ATP8B4: variants seen among roughly 807,000 people sequenced by gnomAD.
ATP8B4 encodes ATPase phospholipid transporting 8B4 (putative).
Under a neutral mutation model 145.6 loss-of-function variants are expected in ATP8B4, and 133 were observed. The observed-to-expected ratio is 0.91, with a 90% CI of 0.79 to 1.05. ATP8B4 has a LOEUF of 1.05. Among genes scored for constraint, ATP8B4 ranks in the 50% least tolerant of loss-of-function variants. ATP8B4 has a pLI of 0.00. For missense variants in ATP8B4, 1,458 were observed against 1,425.2 expected (o/e 1.02, Z -0.37); for synonymous variants, 507 against 492.9 (o/e 1.03, Z -0.38).
At chr15:49,962,957 C>A (rs1024722002) in intron 13 of ATP8B4, among the ~76,000 whole-genome samples, 2 of 152,002 alleles carry the variant, frequency 1.3e-5, no homozygotes, top group African/African-American at 4.8e-5. Context: ...CTTAAAGAAA[C>A]TACCATCAGA....
In ATP8B4 at chr15:49,918,913, T is replaced by G. The variant is rs1489322080; in HGVS notation, c.1961A>C (p.Glu654Ala). 1 of 1,613,604 alleles carries G rather than the reference T, an allele frequency of 6.2e-7. No homozygotes were observed. Among genetic ancestry groups the G allele is most frequent in the African/African-American group, 1.3e-5 (1 of 74,926 alleles). Residue 654 changes from glutamate (E) to alanine (A), a missense_variant, in exon 19 of 28, where the codon GAG (glutamate) becomes GCG (alanine). Coordinates refer to ENST00000284509, the MANE Select transcript of ATP8B4 (RefSeq NM_024837.4). Reference protein sequence around the residue: ...GATAVEDKLQEGVIETVTSLS... With the variant: ...GATAVEDKLQAGVIETVTSLS... ...ACTTGTAACTGTTTCAATAACACCC[T>G]CCTGTAACTTATCTTCTACAGCAGT...
At chr15:50,006,335 C>T (rs2048298624) in intron 7 of ATP8B4, among the ~76,000 whole-genome samples, 1 of 150,294 alleles carries the variant, frequency 6.7e-6, no homozygotes. Flanking sequence ...TTTCTACTGT[C>T]ATATAAATAT....
intron 10 of ATP8B4, among the ~76,000 whole-genome samples, chr15:49,982,721 T>C (rs1274444734): frequency 1.3e-5 from 2 of 152,204 alleles, no homozygotes; most frequent in East Asian, 3.8e-4. Context: ...AGCATTTATG[T>C]AAATATAACC....
chr15:49,949,631 T>C (rs904446258), intron 14 of ATP8B4, among the ~76,000 whole-genome samples: 2 of 152,138 alleles, frequency 1.3e-5, no homozygotes, highest in Non-Finnish European at 2.9e-5. Context: ...CAATTTGACT[T>C]CCTCTCTTCC....
intron 23 of ATP8B4, among the ~76,000 whole-genome samples, chr15:49,894,608 C>A (rs962643054): frequency 6.6e-6 from 1 of 152,186 alleles, no homozygotes; most frequent in African/African-American, 2.4e-5. Flanking sequence ...AATATTAACA[C>A]AACTGAGAAA....
At chr15:50,028,472 A>G (rs1049044864) in intron 6 of ATP8B4, among the ~76,000 whole-genome samples, 5 of 152,174 alleles carry the variant, frequency 3.3e-5, no homozygotes, top group Admixed American at 2.0e-4. Context: ...ACCACCAGGC[A>G]TTGTTTCATC....
At chr15:50,180,908 T>C (rs1327226015) in intron 1 of ATP8B4, among the ~76,000 whole-genome samples, 2 of 151,962 alleles carry the variant, frequency 1.3e-5, no homozygotes, top group African/African-American at 4.8e-5. Context: ...TTTGTGTGTT[T>C]TACACACACC....
chr15:49,883,865 C>A (rs1194353446), intron 23 of ATP8B4, among the ~76,000 whole-genome samples: 1 of 152,034 alleles, frequency 6.6e-6, no homozygotes, highest in East Asian at 1.9e-4. Flanking sequence ...TCCATAATGT[C>A]AAAACTATTT....
intron 2 of ATP8B4, among the ~76,000 whole-genome samples, chr15:50,082,553 G>A (rs945995764): frequency 6.6e-6 from 1 of 152,076 alleles, no homozygotes; most frequent in Non-Finnish European, 1.5e-5. Flanking sequence ...ATTCCTTCCA[G>A]GGCTCACTAT....
chr15:49,959,135 A>G (rs1278457222), intron 14 of ATP8B4, among the ~76,000 whole-genome samples: 1 of 152,044 alleles, frequency 6.6e-6, no homozygotes, highest in South Asian at 2.1e-4. Flanking sequence ...AGTGGCATTT[A>G]TTCCAGGAAA....
At chr15:49,944,700 A>G (rs1224809751) in intron 14 of ATP8B4, among the ~76,000 whole-genome samples, 11 of 152,178 alleles carry the variant, frequency 7.2e-5, no homozygotes, top group South Asian at 4.1e-4. Context: ...GAACAACCCT[A>G]TAGACCAAAT....
chr15:49,902,998 C>T (rs902979847), intron 20 of ATP8B4, among the ~76,000 whole-genome samples: 1 of 152,028 alleles, frequency 6.6e-6, no homozygotes, highest in African/African-American at 2.4e-5. Flanking sequence ...ATTCTATTTA[C>T]TTAGGATTTT....
chr15:49,964,955 C>T (rs969270480), intron 13 of ATP8B4, among the ~76,000 whole-genome samples: 1 of 152,170 alleles, frequency 6.6e-6, no homozygotes, highest in Non-Finnish European at 1.5e-5. Context: ...AAAAGTTTCC[C>T]ATTTAAACTA....
intron 1 of ATP8B4, among the ~76,000 whole-genome samples, chr15:50,181,268 GA>G (rs1167355393): frequency 4.6e-5 from 7 of 152,302 alleles, no homozygotes; most frequent in African/African-American, 1.7e-4. Flanking sequence ...CTTAGATCCT[GA>G]CCCTCCTCAG....
chr15:49,887,458 G>A (rs2036327722), intron 23 of ATP8B4, among the ~76,000 whole-genome samples: 1 of 146,908 alleles, frequency 6.8e-6, no homozygotes, highest in Non-Finnish European at 1.5e-5. Flanking sequence ...CTCTGATTTT[G>A]GGTGACTCAA....
intron 6 of ATP8B4, among the ~76,000 whole-genome samples, chr15:50,023,037 C>T (rs1429651602): frequency 1.3e-5 from 2 of 152,020 alleles, no homozygotes; most frequent in Non-Finnish European, 2.9e-5. Flanking sequence ...AGAAAGTTGC[C>T]CTTTTAATTA....
Position 50,118,073 on chromosome 15 carries a change from G to T in ATP8B4, c.-43+1050C>A, listed in dbSNP as rs553547848. 3.3e-5 allele frequency among the ~76,000 whole-genome samples: 5 copies of T among 151,638 alleles called. No individual in the cohort carries two copies. In the East Asian group the frequency reaches 7.7e-4, roughly 23 times the overall value. On this transcript the variant is annotated intron_variant, in intron 1 of 27. Transcript: ENST00000284509. ...ACATACAGTCAGATAGAAGGAACAG[G>T]TTCTAGTATTTGATAACACGGTAGT...
At chr15:49,951,797 T>C (rs529588736) in intron 14 of ATP8B4, among the ~76,000 whole-genome samples, 22 of 152,334 alleles carry the variant, frequency 1.4e-4, no homozygotes, top group African/African-American at 5.3e-4. Flanking sequence ...TCATTGGTCT[T>C]TATAATTTAA....
chr15:50,011,070 A>G (rs1268025617), intron 6 of ATP8B4, among the ~76,000 whole-genome samples, 153 bp from the exon 7 acceptor site: 1 of 152,184 alleles, frequency 6.6e-6, no homozygotes, highest in Non-Finnish European at 1.5e-5. Flanking sequence ...TAACACGGGA[A>G]CAAAGGCCCA....
Sources: gnomAD v4.1 joint callset for allele counts (sites outside exome capture counted in the v4.1 genomes callset) on GRCh38, gnomAD v4.1.1 for gene constraint, MANE v1.5 for transcripts, NCBI Gene and HGNC (gene_info 2026-07-23, HGNC 2026-07-21) for gene names.